Variants in CDYL2 observed in about 807,000 individuals in gnomAD.
The protein encoded by CDYL2 is chromodomain Y-like protein 2.
In CDYL2, 23 loss-of-function variants were observed where a neutral mutation model predicts 49.4. The observed-to-expected ratio is 0.47, with a 90% CI of 0.34 to 0.66. The LOEUF (loss-of-function observed/expected upper bound fraction) is 0.66, where lower values mean the gene tolerates loss of function less well. Ranked by LOEUF, CDYL2 falls within the 30% of genes least tolerant of loss-of-function variation. The pLI is 0.01. For synonymous variants in CDYL2, 360 were observed against 268.8 expected (o/e 1.34, Z -3.32); for missense variants, 678 against 656.4 (o/e 1.03, Z -0.36).
At chr16:80,615,730 G>GC (rs1163730179) in intron 4 of CDYL2, among the ~76,000 whole-genome samples, 3 of 152,108 alleles carry the variant, frequency 2.0e-5, no homozygotes, top group Non-Finnish European at 2.9e-5. Flanking sequence ...AATCAGGGAC[G>GC]CAAGGGAAAG....
Position 80,598,113 on chromosome 16 carries a change from C to G in CDYL2, c.*6275G>C, listed in dbSNP as rs1191353385. On this transcript the variant is annotated 3_prime_UTR_variant, in exon 7 of 7. Coordinates refer to ENST00000570137, the MANE Select transcript of CDYL2 (RefSeq NM_152342.4). ...TATCCCTCAGTACTGCACCCAGTCT[C>G]AGTAAATATTTACAACATGGTGAGA... 1 of 152,184 alleles carries G rather than the reference C, an allele frequency of 6.6e-6. No individual in the cohort carries two copies. Among genetic ancestry groups the G allele is most frequent in the Non-Finnish European group, 1.5e-5 (1 of 68,044 alleles). The allele number at this position is 152,184 out of a possible 1,614,324, so 9.4% of individuals were successfully genotyped here. A position where few individuals can be genotyped will look rare whatever the true frequency, so the allele number is the denominator to read the frequency against.
At chr16:80,617,412 T>C (rs1906880129) in intron 4 of CDYL2, among the ~76,000 whole-genome samples, 1 of 152,242 alleles carries the variant, frequency 6.6e-6, no homozygotes. Flanking sequence ...GTAAGTATGC[T>C]AATACACCTA....
intron 1 of CDYL2, among the ~76,000 whole-genome samples, chr16:80,705,777 T>C (rs1247737174): frequency 1.3e-5 from 2 of 152,264 alleles, no homozygotes; most frequent in African/African-American, 2.4e-5. Flanking sequence ...TAAACAAATG[T>C]GGCTGTGTTC....
intron 1 of CDYL2, among the ~76,000 whole-genome samples, chr16:80,797,001 CT>C (rs968798160): frequency 1.3e-5 from 2 of 152,050 alleles, no homozygotes; most frequent in Non-Finnish European, 2.9e-5. Context: ...AGCAACACCT[CT>C]TTTTTTTCTA....
chr16:80,804,158 G>T lies in CDYL2; in HGVS notation c.16C>A (p.Leu6Ile). The T allele has an allele frequency of 1.6e-6, 2 of 1,285,050 alleles. No homozygotes were observed. The highest frequency in any genetic ancestry group is 4.8e-5 in the East Asian group (1 of 20,998). The allele number at this position is 1,285,050 out of a possible 1,614,324, so 79.6% of individuals were successfully genotyped here. ...CCCCCGCGTCCCCGTACCTCGTAAA[G>T]GTCCCCAGAAGCCATGCCAGGCTGC... MASGD[L>I]YEVERIVDKR... is the part of the protein sequence containing the mutation. Residue 6 changes from leucine (L) to isoleucine (I), a missense_variant, in exon 1 of 7, where the codon CTT (leucine) becomes ATT (isoleucine). Physicochemically the swap from Leu to Ile is conservative, Grantham distance 5. Coordinates refer to ENST00000570137, the MANE Select transcript of CDYL2 (RefSeq NM_152342.4).
At position 80,802,492 on chromosome 16, in the gene CDYL2, G is replaced by A. The variant is rs1322844007; in HGVS notation, c.24+1658C>T. Among the ~76,000 whole-genome samples, 42 of 152,124 alleles carry A rather than the reference G, an allele frequency of 2.8e-4. 1 individual carries two copies. Among genetic ancestry groups the A allele is most frequent in the African/African-American group, 2.4e-5 (1 of 41,414 alleles). On this transcript the variant is annotated intron_variant, in intron 1 of 6. Transcript: ENST00000570137. ...TTCCACCATCTTGAAACAGACCAAG[G>A]CGCTTGGGTGATCCATTGGCCACAT...
At chr16:80,765,966 C>G (rs1906710432) in intron 1 of CDYL2, among the ~76,000 whole-genome samples, 1 of 149,880 alleles carries the variant, frequency 6.7e-6, no homozygotes, top group African/African-American at 2.5e-5. Flanking sequence ...TAGAAGAAAC[C>G]AGTCTTCTAT....
chr16:80,656,770 T>A (rs1415913058), intron 2 of CDYL2, among the ~76,000 whole-genome samples: 2 of 151,742 alleles, frequency 1.3e-5, no homozygotes, highest in Non-Finnish European at 2.9e-5. Flanking sequence ...CATCTCTGCG[T>A]ATGAGAGGCA....
intron 1 of CDYL2, among the ~76,000 whole-genome samples, chr16:80,711,485 G>C (rs989391596): frequency 6.6e-6 from 1 of 152,170 alleles, no homozygotes; most frequent in African/African-American, 2.4e-5. Context: ...TAATAAAAGA[G>C]TTGACATTTC....
rs201230059 is a variant in CDYL2, at chr16:80,764,552, T to C, written c.24+39598A>G. 1.1e-4 allele frequency among the ~76,000 whole-genome samples: 17 copies of C among 152,268 alleles called. No individual in the cohort carries two copies. In the East Asian group the frequency reaches 3.1e-3, roughly 28 times the overall value. ...ACTAAAATCTTTATAATAAAGTCTA[T>C]GTTGCTGGAACAAGAATGAACAGAC... is the stretch of plus-strand genomic sequence containing the variant. On this transcript the variant is annotated intron_variant, in intron 1 of 6. Coordinates refer to ENST00000570137, the MANE Select transcript of CDYL2 (RefSeq NM_152342.4).
At chr16:80,727,051 A>C (rs1905186273) in intron 1 of CDYL2, among the ~76,000 whole-genome samples, 1 of 152,252 alleles carries the variant, frequency 6.6e-6, no homozygotes, top group African/African-American at 2.4e-5. Context: ...GTGCCTGGGC[A>C]AGAGAGCAAG....
chr16:80,749,696 T>A (rs1033838041), intron 1 of CDYL2, among the ~76,000 whole-genome samples: 1 of 152,072 alleles, frequency 6.6e-6, no homozygotes, highest in African/African-American at 2.4e-5. Flanking sequence ...GAAGCTGAGT[T>A]CAGGGGGAAA....
intron 2 of CDYL2, among the ~76,000 whole-genome samples, chr16:80,680,470 A>C (rs1358350887): frequency 1.3e-5 from 2 of 152,188 alleles, no homozygotes; most frequent in Non-Finnish European, 2.9e-5. Context: ...TTCACAGAGT[A>C]AAGGCTCGTG....
chr16:80,671,267 A>G (rs1484690070), intron 2 of CDYL2, among the ~76,000 whole-genome samples: 1 of 152,212 alleles, frequency 6.6e-6, no homozygotes, highest in East Asian at 1.9e-4. Flanking sequence ...GTACAGAGTT[A>G]CGGACAAGCC....
At chr16:80,619,770 G>A (rs994891965) in intron 4 of CDYL2, among the ~76,000 whole-genome samples, 1 of 152,210 alleles carries the variant, frequency 6.6e-6, no homozygotes, top group African/African-American at 2.4e-5. Flanking sequence ...GTATTTCGGA[G>A]CAGGGGCTCC....
rs1273696057 is a variant in CDYL2 at position 80,599,267 on chromosome 16, C to G, written c.*5121G>C. 1 of 152,196 alleles carries G rather than the reference C, an allele frequency of 6.6e-6. No homozygotes were observed. The highest frequency in any genetic ancestry group is 6.5e-5 in the Admixed American group (1 of 15,286). The allele number at this position is 152,196 out of a possible 1,614,324, so 9.4% of individuals were successfully genotyped here. On this transcript the variant is annotated 3_prime_UTR_variant, in exon 7 of 7. Coordinates refer to ENST00000570137, the MANE Select transcript of CDYL2 (RefSeq NM_152342.4). Reference sequence around the variant, plus strand: ...TCCATCTTAATGGCTGATAAGTTGACTTTATAAATACATACCAGAGATGAA... The same window carrying G: ...TCCATCTTAATGGCTGATAAGTTGAGTTTATAAATACATACCAGAGATGAA...
At chr16:80,679,313 A>G (rs1909882247) in intron 2 of CDYL2, among the ~76,000 whole-genome samples, 1 of 152,012 alleles carries the variant, frequency 6.6e-6, no homozygotes, top group African/African-American at 2.4e-5. Context: ...GAGGGTGTCA[A>G]AGAAGTACAT....
At chr16:80,648,493 T>C (rs925832074) in intron 2 of CDYL2, among the ~76,000 whole-genome samples, 3 of 152,014 alleles carry the variant, frequency 2.0e-5, no homozygotes, top group African/African-American at 7.2e-5. Context: ...AGTAGCGATA[T>C]CACAGCCATA....
intron 1 of CDYL2, among the ~76,000 whole-genome samples, chr16:80,801,212 A>T (rs1054728330): frequency 1.8e-4 from 28 of 152,198 alleles, no homozygotes; most frequent in African/African-American, 5.8e-4. Flanking sequence ...ACCTTCCTAT[A>T]AGTGATGGCT....
Sources: gnomAD v4.1 joint callset for allele counts (sites outside exome capture counted in the v4.1 genomes callset) on GRCh38, gnomAD v4.1.1 for gene constraint, MANE v1.5 for transcripts, NCBI Gene and HGNC (gene_info 2026-07-23, HGNC 2026-07-21) for gene names.